PTPRT: variants seen among roughly 807,000 people sequenced by gnomAD.
PTPRT encodes the protein protein tyrosine phosphatase receptor type T.
A neutral mutation model predicts 176.8 loss-of-function variants in PTPRT; 56 were observed. That is an observed-to-expected ratio of 0.32 (90% CI 0.26 to 0.40). The LOEUF (loss-of-function observed/expected upper bound fraction) is 0.40. Among genes scored for constraint, PTPRT ranks in the 10% least tolerant of loss-of-function variants. PTPRT has a pLI of 1.00. For synonymous variants in PTPRT, 783 were observed against 739.0 expected, an observed-to-expected ratio of 1.06 and a Z score of -0.96; for missense variants, 1,540 against 1,908.2, an observed-to-expected ratio of 0.81 and a Z score of 3.60.
intron 7 of PTPRT, among the ~76,000 whole-genome samples, chr20:42,604,419 C>G (rs2073836647): frequency 6.6e-6 from 1 of 152,094 alleles, no homozygotes; most frequent in Admixed American, 6.6e-5. Flanking sequence ...TTTGGATCCC[C>G]AGGAGCTCAT....
intron 30 of PTPRT, 90 bp downstream of exon 30, chr20:42,081,792 T>C: frequency 6.7e-7 from 1 of 1,485,776 alleles, no homozygotes; most frequent in Admixed American, 1.7e-5. Flanking sequence ...CAGCCAGGTG[T>C]TGAGTGATGT....
intron 7 of PTPRT, among the ~76,000 whole-genome samples, chr20:42,573,682 G>C (rs932261258): frequency 6.6e-6 from 1 of 151,824 alleles, no homozygotes; most frequent in African/African-American, 2.4e-5. Flanking sequence ...CTCCTATGTG[G>C]GGGATGATAC....
At chr20:42,811,907 A>C (rs2077702848) in intron 2 of PTPRT, among the ~76,000 whole-genome samples, 1 of 152,126 alleles carries the variant, frequency 6.6e-6, no homozygotes, top group Admixed American at 6.5e-5. Flanking sequence ...GATCTTATGG[A>C]TATTACACTG....
At chr20:42,837,311 C>G (rs769970795) in intron 2 of PTPRT, among the ~76,000 whole-genome samples, 1 of 152,196 alleles carries the variant, frequency 6.6e-6, no homozygotes, top group Non-Finnish European at 1.5e-5. Context: ...ACTCACAGGT[C>G]CCCTCACCTT....
intron 7 of PTPRT, among the ~76,000 whole-genome samples, chr20:42,621,400 G>C (rs550862310): frequency 5.3e-5 from 8 of 152,238 alleles, no homozygotes; most frequent in African/African-American, 1.9e-4. Context: ...CCACCACATA[G>C]CCAAATTCAT....
chr20:42,511,104 C>T (rs2071946972), intron 7 of PTPRT, among the ~76,000 whole-genome samples: 1 of 152,058 alleles, frequency 6.6e-6, no homozygotes, highest in Non-Finnish European at 1.5e-5. Context: ...TAGCACATGG[C>T]CACATGATGC....
intron 6 of PTPRT, among the ~76,000 whole-genome samples, chr20:42,705,906 C>CCCA (rs2076047524): frequency 1.3e-5 from 2 of 152,104 alleles, no homozygotes; most frequent in Non-Finnish European, 2.9e-5. Context: ...GAACATTACT[C>CCCA]TTACTATTAT....
intron 2 of PTPRT, among the ~76,000 whole-genome samples, chr20:42,801,362 C>T (rs962769745): frequency 6.6e-6 from 1 of 152,162 alleles, no homozygotes; most frequent in Non-Finnish European, 1.5e-5. Flanking sequence ...TGGCTTTCTC[C>T]CCTGGCTTCT....
chr20:42,543,382 G>A (rs1200727476), intron 7 of PTPRT, among the ~76,000 whole-genome samples: 1 of 152,104 alleles, frequency 6.6e-6, no homozygotes, highest in Admixed American at 6.6e-5. Flanking sequence ...TTCTTTGCTT[G>A]TCCATAAGAA....
chr20:42,220,885 T>TC (rs2055870593), intron 15 of PTPRT, among the ~76,000 whole-genome samples: 1 of 152,226 alleles, frequency 6.6e-6, no homozygotes, highest in South Asian at 2.1e-4. Context: ...GTCCTATTTC[T>TC]CCAATGTAGA....
intron 2 of PTPRT, among the ~76,000 whole-genome samples, chr20:42,849,940 C>G (rs2078440077): frequency 6.6e-6 from 1 of 152,166 alleles, no homozygotes; most frequent in Non-Finnish European, 1.5e-5. Flanking sequence ...CTACCTTGTC[C>G]CATTTCCTTC....
chr20:42,215,038 T>G (rs562121475), intron 15 of PTPRT, among the ~76,000 whole-genome samples: 1 of 152,382 alleles, frequency 6.6e-6, no homozygotes, highest in South Asian at 2.1e-4. Flanking sequence ...AGTACTTAAC[T>G]GGGATCTGTC....
rs1601025707 is a variant in PTPRT at position 42,438,661 on chromosome 20, A to G, written c.1560+9559T>C. 3.3e-5 allele frequency among the ~76,000 whole-genome samples: 5 copies of G among 152,314 alleles called. No individual in the cohort carries two copies. The South Asian group carries it at 8.3e-4, about 25-fold the overall frequency. ...CTCATACACACACCCCAAGACAAGC[A>G]TACTTATTCACATGTGCGCAGTGCA... On this transcript the variant is annotated intron_variant, in intron 9 of 30. Coordinates refer to ENST00000373187, the MANE Select transcript of PTPRT (RefSeq NM_007050.6).
At position 43,019,617 on chromosome 20, in the gene PTPRT, C is replaced by CAA. The variant is rs539102745; in HGVS notation, c.89-133687_89-133686dup. 4.5e-3 allele frequency among the ~76,000 whole-genome samples: 251 copies of CAA among 56,044 alleles called. 2 individuals carry two copies. Among genetic ancestry groups the CAA allele is most frequent in the Middle Eastern group, 0.023 (2 of 86 alleles). 36.8% of individuals were successfully genotyped at this position (56,044 alleles called of 152,430 possible). A position where few individuals can be genotyped will look rare whatever the true frequency, so the allele number is the denominator to read the frequency against. On this transcript the variant is annotated intron_variant, in intron 1 of 30. Coordinates refer to ENST00000373187, the MANE Select transcript of PTPRT (RefSeq NM_007050.6). ...CTGGCAACAGAGCGAGACACCGTCTCAAAAAAAAAAAAAAAAAAAGAATAA... is the reference window on the plus strand; with the variant it reads ...CTGGCAACAGAGCGAGACACCGTCTCAAAAAAAAAAAAAAAAAAAAAGAATAA...
Position 42,128,826 on chromosome 20 carries a change from G to A in PTPRT, c.2775C>T (p.Asp925=). The part of the protein sequence containing the change: ...KNRYGNIISY[D]HSRVRLLVLD... ...GCACCAGCAGCCTCACCCGGGAATG[G>A]TCGTCTGCAGAGAGAGCAGAAATCA... The change falls in exon 19 of 31, where the codon GAC becomes GAT. Residue 925 remains aspartate (D), a synonymous_variant. Coordinates refer to ENST00000373187, the MANE Select transcript of PTPRT (RefSeq NM_007050.6). The A allele has an allele frequency of 1.2e-6, 2 of 1,605,502 alleles. No homozygotes were observed. The highest frequency in any genetic ancestry group is 1.7e-6 in the Non-Finnish European group (2 of 1,175,410).
intron 1 of PTPRT, among the ~76,000 whole-genome samples, chr20:43,020,476 G>A (rs927377768): frequency 6.6e-5 from 10 of 151,956 alleles, no homozygotes; most frequent in South Asian, 2.1e-4. Flanking sequence ...TCACCCTACT[G>A]TTTACATTTG....
chr20:42,978,718 A>G (rs1983102558), intron 1 of PTPRT, among the ~76,000 whole-genome samples: 1 of 152,216 alleles, frequency 6.6e-6, no homozygotes, highest in South Asian at 2.1e-4. Context: ...CCACCAAAAC[A>G]AAGATGGCCA....
In PTPRT at chr20:42,077,584, A is replaced by C. The variant is rs1166018941; in HGVS notation, c.*3295T>G. On this transcript the variant is annotated 3_prime_UTR_variant, in exon 31 of 31. Coordinates refer to ENST00000373187, the MANE Select transcript of PTPRT (RefSeq NM_007050.6). ...TTTCCTGGGTAAAGGAAAATGTTCAAATTCCTGGGCACTGGTGCCCCATCT... is the reference window on the plus strand; with the variant it reads ...TTTCCTGGGTAAAGGAAAATGTTCACATTCCTGGGCACTGGTGCCCCATCT... 2 of 219,864 alleles carry C rather than the reference A, an allele frequency of 9.1e-6. No individual in the cohort carries two copies. Among genetic ancestry groups the C allele is most frequent in the East Asian group, 6.6e-5 (1 of 15,128 alleles). The allele number at this position is 219,864 out of a possible 1,614,324, so 13.6% of individuals were successfully genotyped here.
rs925042202 is a variant in PTPRT, at chr20:42,300,085, C to T, written c.2139+15638G>A. ...CCAGCCTGGCCAACATGGTGAAACC[C>T]CGTCTCTACTAAAAATAAAAAAATT... On this transcript the variant is annotated intron_variant, in intron 12 of 30. Coordinates refer to ENST00000373187, the MANE Select transcript of PTPRT (RefSeq NM_007050.6). Among the ~76,000 whole-genome samples the T allele has an allele frequency of 3.3e-5, 5 of 151,534 alleles. No homozygotes were observed. In the East Asian group the frequency reaches 1.0e-3, roughly 30 times the overall value.
Sources: gnomAD v4.1 joint callset for allele counts (sites outside exome capture counted in the v4.1 genomes callset) on GRCh38, gnomAD v4.1.1 for gene constraint, MANE v1.5 for transcripts, NCBI Gene and HGNC (gene_info 2026-07-23, HGNC 2026-07-21) for gene names.